Variants in NTM observed in about 807,000 individuals in gnomAD.
NTM encodes the protein IgLON family member 2.
NTM carries 13 observed loss-of-function variants against 42.1 expected under a neutral mutation model. The ratio of observed to expected loss-of-function variants is 0.31; its 90% CI spans 0.20 to 0.49. NTM has a LOEUF of 0.49. Ranked by LOEUF, NTM falls within the 20% of genes least tolerant of loss-of-function variation. The pLI, the probability that NTM is intolerant of heterozygous loss-of-function variation, is 0.99. For synonymous variants in NTM, 187 were observed against 179.2 expected, an observed-to-expected ratio of 1.04 and a Z score of -0.35; for missense variants, 373 against 452.8, an observed-to-expected ratio of 0.82 and a Z score of 1.60.
intron 2 of NTM, among the ~76,000 whole-genome samples, chr11:131,991,486 T>C (rs2067012195): frequency 6.6e-6 from 1 of 152,194 alleles, no homozygotes; most frequent in African/African-American, 2.4e-5. Context: ...TCCAACACTG[T>C]GCCAAATAAT....
intron 1 of NTM, among the ~76,000 whole-genome samples, chr11:131,594,952 G>A (rs2059687335): frequency 6.6e-6 from 1 of 152,104 alleles, no homozygotes; most frequent in Non-Finnish European, 1.5e-5. Context: ...ATCTCTCTGG[G>A]CTCTGTTCTC....
At position 131,431,511 on chromosome 11, in the gene NTM, G is replaced by A. The variant is rs73586780; in HGVS notation, c.82+60623G>A. Among the ~76,000 whole-genome samples the A allele has an allele frequency of 2.7e-3, 407 of 152,270 alleles. 2 individuals carry two copies. The highest frequency in any genetic ancestry group is 9.1e-3 in the African/African-American group (380 of 41,540). On this transcript the variant is annotated intron_variant, in intron 1 of 8. Transcript: ENST00000683400. Reference sequence around the variant, plus strand: ...CCCAGTGCCCACCTCTGCATCTCAGGTTAAGAGAGTAGCCCAGGCCAGTGA... The same window carrying A: ...CCCAGTGCCCACCTCTGCATCTCAGATTAAGAGAGTAGCCCAGGCCAGTGA...
intron 2 of NTM, among the ~76,000 whole-genome samples, chr11:132,016,161 A>G (rs2073370449): frequency 1.3e-5 from 2 of 151,854 alleles, no homozygotes; most frequent in Admixed American, 6.6e-5. Context: ...CATTATTGAA[A>G]TGATCATATG....
chr11:131,926,960 T>C (rs2058035685), intron 2 of NTM, among the ~76,000 whole-genome samples: 1 of 152,236 alleles, frequency 6.6e-6, no homozygotes, highest in Non-Finnish European at 1.5e-5. Context: ...ATTTCCAAGA[T>C]ATTACATTGT....
chr11:131,698,557 A>C (rs2075729735), intron 1 of NTM, among the ~76,000 whole-genome samples: 1 of 152,110 alleles, frequency 6.6e-6, no homozygotes. Context: ...TCCTTTAAAA[A>C]CCAGACATTT....
chr11:131,478,516 A>G (rs1421707750), intron 1 of NTM, among the ~76,000 whole-genome samples: 1 of 152,124 alleles, frequency 6.6e-6, no homozygotes, highest in African/African-American at 2.4e-5. Flanking sequence ...TGTTTTCTAC[A>G]TCTTGTATGT....
intron 4 of NTM, among the ~76,000 whole-genome samples, chr11:132,265,991 C>G (rs144488478): frequency 2.0e-5 from 3 of 152,108 alleles, no homozygotes; most frequent in African/African-American, 7.2e-5. Flanking sequence ...CTGCTACTTC[C>G]TTAACACAGG....
intron 1 of NTM, among the ~76,000 whole-genome samples, chr11:131,456,183 C>T (rs1359402135): frequency 6.6e-6 from 1 of 152,156 alleles, no homozygotes; most frequent in African/African-American, 2.4e-5. Flanking sequence ...TGGTGAGTGA[C>T]AATGGTAGGT....
At chr11:132,091,634 C>G (rs913276824) in intron 2 of NTM, among the ~76,000 whole-genome samples, 1 of 151,830 alleles carries the variant, frequency 6.6e-6, no homozygotes, top group Non-Finnish European at 1.5e-5. Context: ...ACCTACACCA[C>G]ACACCTGACT....
intron 1 of NTM, among the ~76,000 whole-genome samples, chr11:131,682,987 C>T (rs866448493): frequency 2.6e-5 from 4 of 152,178 alleles, no homozygotes; most frequent in Admixed American, 6.5e-5. Context: ...AGCTCCCCAC[C>T]GTTCTCTCTC....
chr11:131,919,959 A>G (rs1461219908), intron 2 of NTM, among the ~76,000 whole-genome samples: 4 of 152,100 alleles, frequency 2.6e-5, no homozygotes, highest in Non-Finnish European at 5.9e-5. Context: ...GAGATTCTTC[A>G]GTTTCAAATC....
intron 1 of NTM, among the ~76,000 whole-genome samples, chr11:131,770,422 A>G (rs1356599583): frequency 6.6e-6 from 1 of 152,194 alleles, no homozygotes; most frequent in African/African-American, 2.4e-5. Context: ...AAGTACTCAC[A>G]TTTCAAATGA....
chr11:132,043,760 G>T (rs896198261), intron 2 of NTM, among the ~76,000 whole-genome samples: 4 of 152,238 alleles, frequency 2.6e-5, no homozygotes, highest in African/African-American at 9.6e-5. Context: ...TTGTCGAGTA[G>T]TATCAGGTGG....
chr11:131,809,550 T>A (rs1187620148), intron 1 of NTM, among the ~76,000 whole-genome samples: 1 of 152,222 alleles, frequency 6.6e-6, no homozygotes, highest in Non-Finnish European at 1.5e-5. Context: ...GCCCAGCACT[T>A]CAAACTGTGT....
intron 1 of NTM, chr11:131,794,740 G>T: frequency 2.0e-6 from 2 of 985,362 alleles, no homozygotes; most frequent in South Asian, 4.7e-5. Context: ...AGCTTGTGTA[G>T]GACTTAGAAC....
intron 3 of NTM, among the ~76,000 whole-genome samples, chr11:132,175,864 C>T (rs943417704): frequency 6.6e-6 from 1 of 152,164 alleles, no homozygotes; most frequent in Admixed American, 6.5e-5. Context: ...CTCGGGTTCC[C>T]CATTGAACTT....
intron 1 of NTM, among the ~76,000 whole-genome samples, chr11:131,547,078 A>T (rs1215853021): frequency 2.6e-5 from 4 of 151,860 alleles, no homozygotes; most frequent in African/African-American, 9.7e-5. Context: ...ATCCATGCAC[A>T]TATGTGACTT....
chr11:131,710,462 C>A (rs1467627126), intron 1 of NTM, among the ~76,000 whole-genome samples: 1 of 152,108 alleles, frequency 6.6e-6, no homozygotes, highest in East Asian at 1.9e-4. Flanking sequence ...CTCCCAGAGT[C>A]TTCTCTGGCT....
rs191220699 is a variant in NTM, at chr11:131,789,722, G to C, written c.83-121842G>C. 5.9e-3 allele frequency among the ~76,000 whole-genome samples: 866 copies of C among 146,802 alleles called. 11 individuals are homozygous for C. The highest frequency in any genetic ancestry group is 7.0e-3 in the Non-Finnish European group (453 of 64,738). The stretch of plus-strand genomic sequence containing the variant: ...CTGTAATCCCAGCACTTTGGGAGGT[G>C]GAGGCAGGCGGATCACGAGGTCAGG... On this transcript the variant is annotated intron_variant, in intron 1 of 8. Transcript: ENST00000683400.
Sources: allele counts gnomAD v4.1 joint callset (sites outside exome capture counted in the v4.1 genomes callset), GRCh38; gene constraint gnomAD v4.1.1; transcripts MANE v1.5; gene names NCBI Gene and HGNC (gene_info 2026-07-23, HGNC 2026-07-21).